Variants in SEC14L1 observed in about 807,000 individuals in gnomAD.
The protein encoded by SEC14L1 is SEC14 like lipid binding 1.
SEC14L1 carries 48 observed loss-of-function variants against 85.3 expected under a neutral mutation model. That is an observed-to-expected ratio of 0.56 (90% CI 0.45 to 0.72). SEC14L1 has a LOEUF of 0.72. Ranked by LOEUF, SEC14L1 falls within the 30% of genes least tolerant of loss-of-function variation. SEC14L1 has a pLI of 0.00. For synonymous variants in SEC14L1, 391 were observed against 355.5 expected (o/e 1.10, Z -1.12); for missense variants, 682 against 921.4 (o/e 0.74, Z 3.36).
At chr17:77,185,844 C>T (rs1204175039) in intron 3 of SEC14L1, among the ~76,000 whole-genome samples, 3 of 152,002 alleles carry the variant, frequency 2.0e-5, no homozygotes, top group African/African-American at 7.3e-5. Flanking sequence ...TGGGACTTAT[C>T]TGTGGTGGGA....
intron 3 of SEC14L1, among the ~76,000 whole-genome samples, chr17:77,100,630 T>C (rs756601372): frequency 1.3e-5 from 2 of 151,682 alleles, no homozygotes; most frequent in Non-Finnish European, 2.9e-5. Context: ...AGAGACAGGG[T>C]TTCACCATGT....
intron 3 of SEC14L1, among the ~76,000 whole-genome samples, chr17:77,151,894 T>C (rs1482469314): frequency 6.6e-6 from 1 of 152,224 alleles, no homozygotes; most frequent in African/African-American, 2.4e-5. Flanking sequence ...CTTTTTTCTT[T>C]CCTGGTGTAT....
In SEC14L1 at chr17:77,217,005, T is replaced by C. The variant is rs762168204; in HGVS notation, c.*2982T>C. ...TTGCATATCAAATTCTGTAAATGTT[T>C]TGTAAACATATTACCTCACTTGGTA... On this transcript the variant is annotated 3_prime_UTR_variant, in exon 17 of 17. Transcript: ENST00000436233. The C allele has an allele frequency of 8.5e-5, 14 of 165,242 alleles. No homozygotes were observed. The highest frequency in any genetic ancestry group is 1.2e-4 in the Non-Finnish European group (9 of 74,856). 10.2% of individuals were successfully genotyped at this position (165,242 alleles called of 1,614,324 possible).
chr17:77,128,641 T>C (rs1295828567), intron 3 of SEC14L1, among the ~76,000 whole-genome samples: 1 of 151,678 alleles, frequency 6.6e-6, no homozygotes, highest in African/African-American at 2.4e-5. Context: ...GTATTTTTAG[T>C]AGAGATGGGG....
chr17:77,166,944 A>G (rs930563735), intron 3 of SEC14L1, among the ~76,000 whole-genome samples: 27 of 152,198 alleles, frequency 1.8e-4, no homozygotes, highest in Non-Finnish European at 3.2e-4. Context: ...GGCTCTCCAT[A>G]TATACATGTT....
At chr17:77,162,484 A>C (rs1974108459) in intron 3 of SEC14L1, among the ~76,000 whole-genome samples, 2 of 152,182 alleles carry the variant, frequency 1.3e-5, no homozygotes, top group Non-Finnish European at 2.9e-5. Context: ...ATCTGTGCAA[A>C]GTAACATGAT....
chr17:77,140,120 T>C (rs1296043244), upstream of SEC14L1, among the ~76,000 whole-genome samples: 1 of 152,184 alleles, frequency 6.6e-6, no homozygotes, highest in Non-Finnish European at 1.5e-5. Flanking sequence ...GGTGCCCCTT[T>C]CTAGTCATGA....
Position 77,203,560 on chromosome 17 carries a change from T to C in SEC14L1, c.1010-10T>C. On this transcript the variant is annotated splice_polypyrimidine_tract_variant and intron_variant, in intron 9 of 16. Coordinates refer to ENST00000436233, the MANE Select transcript of SEC14L1 (RefSeq NM_001143998.2). ...GGTGCTGACAACTCATTCCTTCCCC[T>C]CCTCTGCAGATGGGCGGCCCCTCTA... is the stretch of plus-strand genomic sequence containing the variant. The C allele has an allele frequency of 6.2e-7, 1 of 1,612,440 alleles. No homozygotes were observed.
chr17:77,143,953 G>A (rs1021705591), intron 3 of SEC14L1: 4 of 277,288 alleles, frequency 1.4e-5, no homozygotes, highest in Non-Finnish European at 2.7e-5. Flanking sequence ...TCGGGGTTGT[G>A]CTCTTTTTTT....
Position 77,206,274 on chromosome 17 carries a change from C to T in SEC14L1, c.1215C>T (p.His405=), listed in dbSNP as rs78990845. ...ACTTGGAAGGGCTGAACATGCGCCA[C>T]TTGTGGAGACCTGGTGTGAAAGCGC... ...LVDLEGLNMR[H]LWRPGVKALL... is the part of the protein sequence containing the mutation. Residue 405 remains histidine, a synonymous_variant, in exon 12 of 17, where the codon CAC becomes CAT. Transcript: ENST00000436233. This position sits in a 1 kb window ranked among gnomAD's most constrained non-coding sequence, Gnocchi z 4.3. 1.9e-6 allele frequency: 3 copies of T among 1,614,148 alleles called. No homozygotes were observed. Among genetic ancestry groups the T allele is most frequent in the Non-Finnish European group, 2.5e-6 (3 of 1,180,024 alleles).
At chr17:77,095,048 G>A (rs1971606646) in intron 3 of SEC14L1, 1 of 152,224 alleles carries the variant, frequency 6.6e-6, no homozygotes, top group South Asian at 2.1e-4. Flanking sequence ...CTTCCCCACA[G>A]GGGCTGGGGG....
At chr17:77,139,389 C>T (rs1299506095), upstream of SEC14L1, among the ~76,000 whole-genome samples, 1 of 151,972 alleles carries the variant, frequency 6.6e-6, no homozygotes, top group Non-Finnish European at 1.5e-5. Context: ...CCAGGATGGT[C>T]TCAAACTCCT....
At position 77,200,419 on chromosome 17, in the gene SEC14L1, G is replaced by A. The variant is rs948625283; in HGVS notation, c.820-65G>A. On this transcript the variant is annotated intron_variant, in intron 8 of 16. Coordinates refer to ENST00000436233, the MANE Select transcript of SEC14L1 (RefSeq NM_001143998.2). ...CCTGAGCTCAAGCGATCCGTCCACC[G>A]CAGCCTCCCAAAGTTCCCTTCACAA... 242 of 1,340,128 alleles carry A rather than the reference G, an allele frequency of 1.8e-4. 1 individual carries two copies. The highest frequency in any genetic ancestry group is 8.7e-5 in the African/African-American group (6 of 69,304). 83.0% of individuals were successfully genotyped at this position (1,340,128 alleles called of 1,614,324 possible).
intron 3 of SEC14L1, among the ~76,000 whole-genome samples, chr17:77,187,995 T>C (rs1975347989): frequency 6.6e-6 from 1 of 152,210 alleles, no homozygotes; most frequent in Non-Finnish European, 1.5e-5. Flanking sequence ...TCTGCACGCC[T>C]GGGCCTCTGG....
upstream of SEC14L1, among the ~76,000 whole-genome samples, chr17:77,137,412 G>C (rs985587502): frequency 6.6e-6 from 1 of 152,116 alleles, no homozygotes; most frequent in African/African-American, 2.4e-5. Context: ...AGTAGGGGGA[G>C]GTGCCACCCA....
At chr17:77,171,179 C>T (rs948122371) in intron 3 of SEC14L1, among the ~76,000 whole-genome samples, 3 of 152,106 alleles carry the variant, frequency 2.0e-5, no homozygotes, top group Non-Finnish European at 4.4e-5. Context: ...TTTCTATACA[C>T]CCATAAACTC....
At chr17:77,157,530 C>CT (rs370936192) in intron 3 of SEC14L1, among the ~76,000 whole-genome samples, 26,814 of 144,332 alleles carry the variant, frequency 0.19, 2,608 homozygotes, top group Non-Finnish European at 0.22. Flanking sequence ...TCTATTATAA[C>CT]TTTTTTTTTT....
intron 3 of SEC14L1, among the ~76,000 whole-genome samples, chr17:77,170,989 T>C (rs1974500403): frequency 6.6e-6 from 1 of 152,240 alleles, no homozygotes; most frequent in South Asian, 2.1e-4. Context: ...GATGATCTAC[T>C]ATTATTAATA....
At position 77,101,745 on chromosome 17, in the gene SEC14L1, C is replaced by G. The variant is rs143868361; in HGVS notation, c.-136+8398C>G. Among the ~76,000 whole-genome samples, 20 of 152,294 alleles carry G rather than the reference C, an allele frequency of 1.3e-4. No individual in the cohort carries two copies. The East Asian group carries it at 3.9e-3, about 29-fold the overall frequency. ...ACTGCTGGTCTGAGGACCACTCGGT[C>G]CTTTCTCAGGGATGGTGGGACTTAG... On this transcript the variant is annotated intron_variant, in intron 3 of 19. Transcript: ENST00000392476.
Sources: gnomAD v4.1 joint callset for allele counts (sites outside exome capture counted in the v4.1 genomes callset) on GRCh38, gnomAD v4.1.1 for gene constraint, Gnocchi (gnomAD v3.1) non-coding constraint, MANE v1.5 for transcripts, NCBI Gene and HGNC (gene_info 2026-07-23, HGNC 2026-07-21) for gene names.